The following TMEM117 variants were observed in gnomAD, a reference collection of about 807,000 sequenced individuals.
TMEM117 encodes transmembrane protein 117.
A neutral mutation model predicts 52.4 loss-of-function variants in TMEM117; 27 were observed. That is an observed-to-expected ratio of 0.51 (90% CI 0.38 to 0.71). TMEM117 has a LOEUF of 0.71. TMEM117 is among the 30% of genes least tolerant of loss of function. The probability of loss-of-function intolerance (pLI) is 0.00; values close to 1 mark genes in which losing one functional copy is unlikely to be tolerated. For missense variants in TMEM117, 556 were observed against 630.5 expected (o/e 0.88, Z 1.26); for synonymous variants, 215 against 206.3 (o/e 1.04, Z -0.36).
intron 2 of TMEM117, among the ~76,000 whole-genome samples, chr12:43,909,754 T>C (rs926524007): frequency 5.4e-5 from 8 of 148,112 alleles, no homozygotes; most frequent in Non-Finnish European, 7.5e-5. Context: ...AAGAAATGGA[T>C]AAATTCCTCG....
intron 6 of TMEM117, among the ~76,000 whole-genome samples, chr12:44,306,025 A>G (rs1055311235): frequency 6.6e-6 from 1 of 152,226 alleles, no homozygotes; most frequent in African/African-American, 2.4e-5. Context: ...ACAGAGGGAC[A>G]GAAAACCAAA....
At chr12:43,796,573 A>C in the TMEM117 span, among the ~76,000 whole-genome samples, 2 of 152,098 alleles carry the variant, frequency 1.3e-5, no homozygotes, top group Non-Finnish European at 2.9e-5. Context: ...CCTTATTAAT[A>C]TGCAGTAGAA....
At chr12:43,818,269 ATAAG>A in the TMEM117 span, among the ~76,000 whole-genome samples, 1 of 152,238 alleles carries the variant, frequency 6.6e-6, no homozygotes, top group East Asian at 1.9e-4. Context: ...GAAAGTACAT[ATAAG>A]TAAGTACTGA....
intron 5 of TMEM117, among the ~76,000 whole-genome samples, chr12:44,281,135 A>G (rs1278067307): frequency 2.0e-5 from 3 of 152,192 alleles, no homozygotes; most frequent in African/African-American, 7.2e-5. Context: ...CTTAGAATTT[A>G]AGAGTGAAAT....
intron 4 of TMEM117, among the ~76,000 whole-genome samples, chr12:44,158,272 A>T (rs1948853469): frequency 6.6e-6 from 1 of 152,168 alleles, no homozygotes. Flanking sequence ...CTTGGAGTCA[A>T]TTCAGGTGTG....
rs1341146995 is a variant in TMEM117, at chr12:44,299,461, A to G, written c.609-119A>G. On this transcript the variant is annotated intron_variant, in intron 5 of 7. Coordinates refer to ENST00000266534, the MANE Select transcript of TMEM117 (RefSeq NM_032256.3). Reference sequence around the variant, plus strand: ...TTTTTTCATCTTCCTTTTGGCTAATATACCTTAGGGTAGGTGCTTGCCAAG... The same window carrying G: ...TTTTTTCATCTTCCTTTTGGCTAATGTACCTTAGGGTAGGTGCTTGCCAAG... The G allele has an allele frequency of 3.0e-6, 4 of 1,313,850 alleles. No homozygotes were observed. The East Asian group carries it at 7.3e-5, about 24-fold the overall frequency. 81.4% of individuals were successfully genotyped at this position (1,313,850 alleles called of 1,614,324 possible).
At chr12:43,962,415 C>T (rs1565771328) in intron 3 of TMEM117, among the ~76,000 whole-genome samples, 1 of 152,032 alleles carries the variant, frequency 6.6e-6, no homozygotes, top group East Asian at 1.9e-4. Flanking sequence ...TAGTAAAGTT[C>T]TTTAGAATTG....
chr12:43,894,000 A>G (rs1220174079), intron 2 of TMEM117, among the ~76,000 whole-genome samples: 7 of 152,200 alleles, frequency 4.6e-5, no homozygotes. Context: ...ACAACTTCTT[A>G]AAGCCATCAG....
intron 4 of TMEM117, among the ~76,000 whole-genome samples, chr12:44,172,944 C>T (rs1452362958): frequency 5.3e-5 from 8 of 152,148 alleles, no homozygotes; most frequent in African/African-American, 1.7e-4. Flanking sequence ...AGGCTGGTCT[C>T]GAACTCCTGA....
chr12:43,802,154 C>A, the TMEM117 span: 184 of 542,860 alleles, frequency 3.4e-4, no homozygotes, highest in East Asian at 5.4e-3. Context: ...CGTTATCAAT[C>A]CAAGGATTTT....
intron 6 of TMEM117, among the ~76,000 whole-genome samples, chr12:44,357,107 T>G (rs999236820): frequency 1.3e-5 from 2 of 152,154 alleles, no homozygotes; most frequent in African/African-American, 4.8e-5. Flanking sequence ...TATGCAGAAT[T>G]CTTTCATAAA....
the TMEM117 span, among the ~76,000 whole-genome samples, chr12:43,825,479 T>C: frequency 1.3e-5 from 2 of 152,130 alleles, no homozygotes; most frequent in Non-Finnish European, 2.9e-5. Context: ...CCTCATTCTC[T>C]CTATTCTCCT....
chr12:44,216,305 CAA>C (rs1395352328), intron 5 of TMEM117, among the ~76,000 whole-genome samples: 1 of 152,100 alleles, frequency 6.6e-6, no homozygotes, highest in Non-Finnish European at 1.5e-5. Context: ...CACTCTCAGC[CAA>C]AAGGAGCTCT....
chr12:43,963,989 A>G (rs1163717105), intron 3 of TMEM117, among the ~76,000 whole-genome samples: 1 of 152,196 alleles, frequency 6.6e-6, no homozygotes. Flanking sequence ...TGTATCAATC[A>G]GGATAGGTTA....
At chr12:44,173,946 G>A (rs1949083821) in intron 4 of TMEM117, among the ~76,000 whole-genome samples, 1 of 151,880 alleles carries the variant, frequency 6.6e-6, no homozygotes, top group African/African-American at 2.4e-5. Context: ...AAAACAAATG[G>A]TTAATGTCTA....
intron 5 of TMEM117, among the ~76,000 whole-genome samples, chr12:44,256,530 A>C (rs183362368): frequency 6.6e-6 from 1 of 152,164 alleles, no homozygotes; most frequent in East Asian, 1.9e-4. Flanking sequence ...ATTTCATGTG[A>C]ATTTTGATGT....
At chr12:43,943,677 G>A (rs1945081951) in intron 2 of TMEM117, among the ~76,000 whole-genome samples, 1 of 152,176 alleles carries the variant, frequency 6.6e-6, no homozygotes, top group Non-Finnish European at 1.5e-5. Context: ...TTTGTTAAGA[G>A]TGAGGCTAAG....
intron 6 of TMEM117, among the ~76,000 whole-genome samples, chr12:44,356,772 T>C (rs75868438): frequency 0.012 from 1,789 of 152,244 alleles, 38 homozygotes; most frequent in African/African-American, 0.041. Context: ...GTCTCACTCC[T>C]ATCTTTCTAC....
chr12:44,235,697 A>G (rs1480708016), intron 5 of TMEM117, among the ~76,000 whole-genome samples: 1 of 151,498 alleles, frequency 6.6e-6, no homozygotes, highest in East Asian at 1.9e-4. Flanking sequence ...ATCATTTTCC[A>G]TCATTCCTTC....
Sources: allele counts gnomAD v4.1 joint callset (sites outside exome capture counted in the v4.1 genomes callset), GRCh38; gene constraint gnomAD v4.1.1; transcripts MANE v1.5; gene names NCBI Gene and HGNC (gene_info 2026-07-23, HGNC 2026-07-21).